ANK3: variants seen among roughly 807,000 people sequenced by gnomAD.
ANK3 encodes ankyrin 3.
ANK3 carries 57 observed loss-of-function variants against 370.9 expected under a neutral mutation model. The ratio of observed to expected loss-of-function variants is 0.15; its 90% confidence interval spans 0.12 to 0.19. ANK3 has a LOEUF of 0.19. ANK3 is among the 10% of genes least tolerant of loss of function. The pLI is 1.00. For missense variants in ANK3, 4,439 were observed against 5,302.1 expected, an observed-to-expected ratio of 0.84 and a Z score of 5.06; for synonymous variants, 1,929 against 1,946.3, an observed-to-expected ratio of 0.99 and a Z score of 0.23.
chr10:60,054,121 T>A (rs1317607432), intron 42 of ANK3, among the ~76,000 whole-genome samples: 1 of 152,220 alleles, frequency 6.6e-6, no homozygotes, highest in Non-Finnish European at 1.5e-5. Context: ...TATGCACATG[T>A]ACACACACAG....
intron 1 of ANK3, among the ~76,000 whole-genome samples, chr10:60,349,004 C>G (rs1311399343): frequency 6.6e-6 from 1 of 152,160 alleles, no homozygotes; most frequent in African/African-American, 2.4e-5. Context: ...ATTTCAGCCT[C>G]CCCAGCATGA....
At chr10:60,469,159 A>G (rs1374270157) in intron 2 of ANK3, among the ~76,000 whole-genome samples, 1 of 95,172 alleles carries the variant, frequency 1.1e-5, no homozygotes. Context: ...TTTAGTATAT[A>G]TGTGTGTGTG....
chr10:60,456,266 A>G (rs1217817308), intron 2 of ANK3, among the ~76,000 whole-genome samples: 1 of 152,200 alleles, frequency 6.6e-6, no homozygotes, highest in Non-Finnish European at 1.5e-5. Context: ...CCCTTTGGGG[A>G]AACATAGCGC....
chr10:60,486,516 G>T (rs1003998542), intron 2 of ANK3, among the ~76,000 whole-genome samples: 3 of 152,202 alleles, frequency 2.0e-5, no homozygotes, highest in Admixed American at 6.5e-5. Context: ...GGAGGCAGAG[G>T]TTGCAGTGAG....
At chr10:60,160,739 G>A (rs2095477293) in intron 23 of ANK3, among the ~76,000 whole-genome samples, 1 of 152,030 alleles carries the variant, frequency 6.6e-6, no homozygotes, top group African/African-American at 2.4e-5. Flanking sequence ...ATGCAAGGAT[G>A]GTTCAACATA....
chr10:60,106,758 A>T (rs762595961), intron 27 of ANK3, among the ~76,000 whole-genome samples: 1 of 152,214 alleles, frequency 6.6e-6, no homozygotes, highest in Non-Finnish European at 1.5e-5. Flanking sequence ...AGGAATGTAA[A>T]AGAATGGCTG....
chr10:60,430,656 C>G (rs546755858), intron 2 of ANK3, among the ~76,000 whole-genome samples: 2 of 152,044 alleles, frequency 1.3e-5, no homozygotes, highest in East Asian at 3.9e-4. Flanking sequence ...GTTTTTTACC[C>G]CAGAGAATTT....
intron 25 of ANK3, among the ~76,000 whole-genome samples, chr10:60,123,119 T>C (rs1430325301): frequency 1.3e-5 from 2 of 152,150 alleles, no homozygotes; most frequent in Non-Finnish European, 1.5e-5. Flanking sequence ...AACTAGGCAA[T>C]ACGAAGTCAA....
intron 2 of ANK3, among the ~76,000 whole-genome samples, chr10:60,454,122 A>T (rs966381596): frequency 2.6e-5 from 4 of 151,722 alleles, no homozygotes; most frequent in African/African-American, 9.7e-5. Flanking sequence ...AAGGAACTGG[A>T]TGCTTCCTTT....
chr10:60,718,970 AT>A (rs2079826521), intron 1 of ANK3, among the ~76,000 whole-genome samples: 1 of 152,170 alleles, frequency 6.6e-6, no homozygotes, highest in South Asian at 2.1e-4. Flanking sequence ...ATTTTAATAT[AT>A]CAAACTATAC....
At chr10:60,480,699 A>T (rs2075189698) in intron 2 of ANK3, among the ~76,000 whole-genome samples, 1 of 152,230 alleles carries the variant, frequency 6.6e-6, no homozygotes, top group African/African-American at 2.4e-5. Flanking sequence ...TCCCTGGCCA[A>T]CCAACTTGGT....
intron 1 of ANK3, among the ~76,000 whole-genome samples, chr10:60,285,419 G>C (rs1388589531): frequency 1.3e-5 from 2 of 152,096 alleles, no homozygotes; most frequent in Admixed American, 1.3e-4. Context: ...CTGTCTCTCT[G>C]TATAAAATCA....
intron 1 of ANK3, among the ~76,000 whole-genome samples, chr10:60,689,866 C>A (rs1589031393): frequency 6.6e-6 from 1 of 151,308 alleles, no homozygotes; most frequent in Non-Finnish European, 1.5e-5. Flanking sequence ...ATAAAGAGTA[C>A]AAAATTGTAT....
intron 1 of ANK3, among the ~76,000 whole-genome samples, chr10:60,622,385 C>T (rs2078349890): frequency 2.0e-5 from 3 of 151,986 alleles, no homozygotes; most frequent in Admixed American, 2.0e-4. Flanking sequence ...TCTGAGATTA[C>T]AGGCATACCA....
intron 7 of ANK3, among the ~76,000 whole-genome samples, chr10:60,260,968 G>A (rs1332641887): frequency 1.3e-5 from 2 of 152,192 alleles, no homozygotes; most frequent in African/African-American, 4.8e-5. Context: ...GCTGCTGTTA[G>A]TGATGATACT....
At position 60,049,570 on chromosome 10, in the gene ANK3, A is replaced by G. The variant is rs530400751; in HGVS notation, c.13065+6088T>C. ...CCACTGCACTCCAGCCTGGCCACAGAGCAAGACTCTGTCTCAAAAAAAAAG... is the reference window on the plus strand; with the variant it reads ...CCACTGCACTCCAGCCTGGCCACAGGGCAAGACTCTGTCTCAAAAAAAAAG... On this transcript the variant is annotated intron_variant, in intron 42 of 43. Transcript: ENST00000280772. 3.4e-3 allele frequency among the ~76,000 whole-genome samples: 524 copies of G among 152,262 alleles called. 4 individuals are homozygous for G. Among genetic ancestry groups the G allele is most frequent in the South Asian group, 0.014 (67 of 4,826 alleles).
chr10:60,121,563 G>C (rs2093474962), intron 25 of ANK3, among the ~76,000 whole-genome samples: 1 of 151,808 alleles, frequency 6.6e-6, no homozygotes, highest in African/African-American at 2.4e-5. Context: ...GTGGTGGTGT[G>C]TGCCTGTAGT....
At chr10:60,304,460 T>C (rs1335966288) in intron 1 of ANK3, among the ~76,000 whole-genome samples, 2 of 151,848 alleles carry the variant, frequency 1.3e-5, no homozygotes, top group African/African-American at 2.4e-5. Flanking sequence ...CTTGCCAACA[T>C]AGCGAAACCC....
chr10:60,193,954 C>G (rs896501092), intron 16 of ANK3, among the ~76,000 whole-genome samples: 3 of 152,034 alleles, frequency 2.0e-5, no homozygotes, highest in Admixed American at 1.3e-4. Flanking sequence ...AACCCTGTCT[C>G]TACTGAAAAT....
Sources: allele counts gnomAD v4.1 joint callset (sites outside exome capture counted in the v4.1 genomes callset), GRCh38; gene constraint gnomAD v4.1.1; transcripts MANE v1.5; gene names NCBI Gene and HGNC (gene_info 2026-07-23, HGNC 2026-07-21).